Variants in WDR72 observed in about 807,000 individuals in gnomAD.
WDR72 encodes WD repeat domain 72.
WDR72 carries 120 observed loss-of-function variants against 124.2 expected under a neutral mutation model. The ratio of observed to expected loss-of-function variants is 0.97; its 90% CI spans 0.83 to 1.12. WDR72 has a LOEUF of 1.12. Ranked by LOEUF, WDR72 falls within the 50% of genes most tolerant of loss-of-function variation. WDR72 has a pLI of 0.00. For missense variants in WDR72, 1,387 were observed against 1,278.8 expected (o/e 1.08, Z -1.29); for synonymous variants, 452 against 441.7 (o/e 1.02, Z -0.29).
chr15:53,683,129 T>C (rs964751234), intron 13 of WDR72, among the ~76,000 whole-genome samples: 3 of 152,106 alleles, frequency 2.0e-5, no homozygotes, highest in Non-Finnish European at 2.9e-5. Context: ...ATTGCCCCCA[T>C]GATCCAATCA....
rs1567040177 is a variant in WDR72 at position 53,706,367 on chromosome 15, T to TAC, written c.955-294_955-293insGT. ...GTGTGTGTGTATATATATATATATA[T>TAC]ATATATATATATATATATATATATA... On this transcript the variant is annotated intron_variant, in intron 9 of 19. Transcript: ENST00000360509. Among the ~76,000 whole-genome samples the TAC allele has an allele frequency of 6.0e-3, 304 of 50,612 alleles. 4 individuals carry two copies. The South Asian group carries it at 0.071, about 12-fold the overall frequency. 33.2% of individuals were successfully genotyped at this position (50,612 alleles called of 152,430 possible). A position where few individuals can be genotyped will look rare whatever the true frequency, so the allele number is the denominator to read the frequency against.
In WDR72 at chr15:53,699,748, AC is replaced by A; in HGVS notation, c.1765+1del. ...AATGAAAGGGATAAAATTTCAACTT[AC>A]CTGTTTCAATTTCCCAGATATAAAC... On this transcript the variant is annotated splice_donor_variant, in intron 13 of 19. Transcript: ENST00000360509. LOFTEE classifies it high-confidence loss of function. The A allele has an allele frequency of 6.2e-7, 1 of 1,613,888 alleles. No individual in the cohort carries two copies. The highest frequency in any genetic ancestry group is 1.3e-5 in the African/African-American group (1 of 75,044).
intron 18 of WDR72, 54 bp from the exon 19 acceptor site, chr15:53,523,376 T>C: frequency 6.5e-7 from 1 of 1,548,238 alleles, no homozygotes; most frequent in Non-Finnish European, 8.9e-7. Context: ...GATGAAAAAG[T>C]AGTAGCAAAC....
At chr15:53,592,995 A>G (rs966918308) in intron 18 of WDR72, among the ~76,000 whole-genome samples, 2 of 152,106 alleles carry the variant, frequency 1.3e-5, no homozygotes, top group Non-Finnish European at 2.9e-5. Flanking sequence ...TAAGACCTCA[A>G]ATAAAATACA....
chr15:53,735,967 AT>A (rs1359865568), intron 1 of WDR72, among the ~76,000 whole-genome samples: 1 of 152,216 alleles, frequency 6.6e-6, no homozygotes, highest in African/African-American at 2.4e-5. Flanking sequence ...AAAAGGACAA[AT>A]CAGAATAGAC....
At chr15:53,582,734 A>T (rs1278494768) in intron 18 of WDR72, among the ~76,000 whole-genome samples, 1 of 152,036 alleles carries the variant, frequency 6.6e-6, no homozygotes, top group African/African-American at 2.4e-5. Flanking sequence ...CATATATAAT[A>T]AACTAATATT....
chr15:53,714,482 A>G lies in WDR72; in HGVS notation c.543T>C (p.Ala181=). 1 of 1,613,928 alleles carries G rather than the reference A, an allele frequency of 6.2e-7. No individual in the cohort carries two copies. Reference sequence around the variant, plus strand: ...AAAGATCCCATACTTTGAGCTCACCAGCTACTGATACCACCAAGAGAGAAT... The same window carrying G: ...AAAGATCCCATACTTTGAGCTCACCGGCTACTGATACCACCAAGAGAGAAT... ...QEDSLLVVSV[A]GELKVWDLSS... The change falls in exon 6 of 20, where the codon GCT becomes GCC. Residue 181 remains alanine (A), a synonymous_variant. Coordinates refer to ENST00000360509, the MANE Select transcript of WDR72 (RefSeq NM_182758.4).
At chr15:53,534,264 C>T (rs1892634912) in intron 18 of WDR72, among the ~76,000 whole-genome samples, 1 of 152,234 alleles carries the variant, frequency 6.6e-6, no homozygotes. Flanking sequence ...ACTTTATTTG[C>T]ACTGAATGTT....
intron 13 of WDR72, among the ~76,000 whole-genome samples, chr15:53,666,989 A>G (rs1319859562): frequency 6.6e-6 from 1 of 152,208 alleles, no homozygotes; most frequent in Non-Finnish European, 1.5e-5. Context: ...TTCTACATTC[A>G]TAAATAAACA....
intron 18 of WDR72, among the ~76,000 whole-genome samples, chr15:53,529,536 T>A (rs1355564663): frequency 2.0e-5 from 3 of 152,006 alleles, no homozygotes; most frequent in Non-Finnish European, 4.4e-5. Context: ...TAATGAGGAC[T>A]TCTGAGGCCC....
intron 1 of WDR72, among the ~76,000 whole-genome samples, chr15:53,738,352 A>G (rs1286532664): frequency 4.3e-4 from 66 of 152,282 alleles, no homozygotes; most frequent in Non-Finnish European, 1.5e-5. Flanking sequence ...TAAAAACAAC[A>G]ACATATAAGA....
At chr15:53,569,838 T>G (rs1000401905) in intron 18 of WDR72, among the ~76,000 whole-genome samples, 1 of 152,096 alleles carries the variant, frequency 6.6e-6, no homozygotes, top group Admixed American at 6.6e-5. Flanking sequence ...TTTTGCTTAT[T>G]TATCTTTACA....
chr15:53,579,709 C>A (rs1408711705), intron 18 of WDR72, among the ~76,000 whole-genome samples: 1 of 152,110 alleles, frequency 6.6e-6, no homozygotes, highest in African/African-American at 2.4e-5. Context: ...GGCTCAGACT[C>A]AATGACCTGC....
At chr15:53,704,181 C>T (rs4776170) in intron 11 of WDR72, among the ~76,000 whole-genome samples, 1 of 152,080 alleles carries the variant, frequency 6.6e-6, no homozygotes, top group Admixed American at 6.6e-5. Context: ...TCCATAGTAG[C>T]TAAAAACTAG....
At chr15:53,594,797 C>A (rs188336271) in intron 18 of WDR72, among the ~76,000 whole-genome samples, 4,568 of 150,706 alleles carry the variant, frequency 0.03, 94 homozygotes, top group Non-Finnish European at 0.037. Flanking sequence ...CCCACCCCCC[C>A]AAAAAAAATC....
At chr15:53,577,270 C>T (rs2011666758) in intron 18 of WDR72, among the ~76,000 whole-genome samples, 1 of 152,138 alleles carries the variant, frequency 6.6e-6, no homozygotes, top group African/African-American at 2.4e-5. Flanking sequence ...CTCTCCAAAG[C>T]TCATTTAAGA....
chr15:53,704,300 G>A (rs2140528281), intron 11 of WDR72, among the ~76,000 whole-genome samples: 1 of 152,196 alleles, frequency 6.6e-6, no homozygotes, highest in East Asian at 1.9e-4. Flanking sequence ...TTTGTTTAAG[G>A]ACATTTGAGT....
At chr15:53,580,204 T>A (rs1257710992) in intron 18 of WDR72, among the ~76,000 whole-genome samples, 2 of 152,058 alleles carry the variant, frequency 1.3e-5, no homozygotes, top group Non-Finnish European at 2.9e-5. Flanking sequence ...TACCTTGAAG[T>A]AAGACATAAA....
At chr15:53,574,646 G>C (rs1182366590) in intron 18 of WDR72, among the ~76,000 whole-genome samples, 1 of 151,972 alleles carries the variant, frequency 6.6e-6, no homozygotes, top group Non-Finnish European at 1.5e-5. Context: ...GACTATTTTA[G>C]TATTTGCTTA....
Sources: gnomAD v4.1 joint callset for allele counts (sites outside exome capture counted in the v4.1 genomes callset) on GRCh38, gnomAD v4.1.1 for gene constraint, MANE v1.5 for transcripts, NCBI Gene and HGNC (gene_info 2026-07-23, HGNC 2026-07-21) for gene names.